Variants in EXOC6B observed in about 807,000 individuals in gnomAD.
The protein encoded by EXOC6B is SEC15 homolog B.
EXOC6B carries 54 observed loss-of-function variants against 113.5 expected under a neutral mutation model. The observed-to-expected ratio is 0.48, with a 90% CI of 0.38 to 0.60. EXOC6B has a LOEUF of 0.60. EXOC6B is among the 20% of genes least tolerant of loss of function. EXOC6B has a pLI of 0.00. For missense variants in EXOC6B, 797 were observed against 977.5 expected (o/e 0.82, Z 2.46); for synonymous variants, 357 against 339.0 (o/e 1.05, Z -0.58).
At chr2:72,746,310 CAA>C (rs1681691828) in intron 1 of EXOC6B, among the ~76,000 whole-genome samples, 1 of 151,884 alleles carries the variant, frequency 6.6e-6, no homozygotes, top group Non-Finnish European at 1.5e-5. Flanking sequence ...AAAAGGCAAA[CAA>C]GAAGAAATAT....
chr2:72,200,383 T>G lies in EXOC6B; in HGVS notation c.2197-16196A>C, dbSNP rs532456059. Among the ~76,000 whole-genome samples the G allele has an allele frequency of 2.0e-5, 3 of 152,352 alleles. No individual in the cohort carries two copies. The South Asian group carries it at 6.2e-4, about 32-fold the overall frequency. On this transcript the variant is annotated intron_variant, in intron 20 of 21. Coordinates refer to ENST00000272427, the MANE Select transcript of EXOC6B (RefSeq NM_015189.3). Reference sequence around the variant, plus strand: ...ATTTCTTTTTAAAATAATTTTTATTTATTTATTTTTGGTAGAGACAGGGTT... The same window carrying G: ...ATTTCTTTTTAAAATAATTTTTATTGATTTATTTTTGGTAGAGACAGGGTT...
At chr2:72,214,680 T>C (rs1332644577) in intron 20 of EXOC6B, among the ~76,000 whole-genome samples, 1 of 152,126 alleles carries the variant, frequency 6.6e-6, no homozygotes, top group Non-Finnish European at 1.5e-5. Context: ...ATCAGGTATG[T>C]GAGGAGATGG....
intron 6 of EXOC6B, among the ~76,000 whole-genome samples, chr2:72,623,329 T>G (rs1030775272): frequency 2.0e-5 from 3 of 152,158 alleles, no homozygotes; most frequent in African/African-American, 4.8e-5. Context: ...TAGAGATACA[T>G]TGGCAAAATC....
chr2:72,203,994 C>T (rs1034423045), intron 20 of EXOC6B, among the ~76,000 whole-genome samples: 8 of 152,150 alleles, frequency 5.3e-5, no homozygotes, highest in African/African-American at 1.7e-4. Flanking sequence ...CATAGCCCTA[C>T]AATGGGAAGG....
intron 18 of EXOC6B, 95 bp downstream of exon 18, chr2:72,465,065 T>C (rs1453565008): frequency 3.0e-6 from 3 of 1,012,568 alleles, no homozygotes; most frequent in African/African-American, 3.2e-5. Flanking sequence ...AAAATCTTCC[T>C]GGGTAGTTAC....
At chr2:72,808,811 G>A (rs1685720741) in intron 1 of EXOC6B, among the ~76,000 whole-genome samples, 1 of 152,040 alleles carries the variant, frequency 6.6e-6, no homozygotes, top group African/African-American at 2.4e-5. Flanking sequence ...AGTGGTTCAT[G>A]CCTGTAATTC....
intron 20 of EXOC6B, among the ~76,000 whole-genome samples, chr2:72,296,915 G>A (rs1309969356): frequency 2.0e-5 from 3 of 152,146 alleles, no homozygotes; most frequent in Non-Finnish European, 4.4e-5. Flanking sequence ...AAGGAAGGAG[G>A]ACAAGGAACA....
chr2:72,249,643 A>G (rs1200236694), intron 20 of EXOC6B, among the ~76,000 whole-genome samples: 2 of 152,214 alleles, frequency 1.3e-5, no homozygotes, highest in Non-Finnish European at 2.9e-5. Flanking sequence ...AATGTCTTCC[A>G]AGTGGGTACT....
At chr2:72,281,648 G>A (rs972891823) in intron 20 of EXOC6B, among the ~76,000 whole-genome samples, 1 of 152,160 alleles carries the variant, frequency 6.6e-6, no homozygotes, top group African/African-American at 2.4e-5. Context: ...TACAGTCCCA[G>A]TGGAAGATGG....
At chr2:72,562,462 GA>G in intron 7 of EXOC6B, among the ~76,000 whole-genome samples, 1 of 152,200 alleles carries the variant, frequency 6.6e-6, no homozygotes, top group Middle Eastern at 3.4e-3. Flanking sequence ...AAGTTGCAAA[GA>G]ATGATTCAAG....
chr2:72,385,262 A>C (rs1486626834), intron 18 of EXOC6B, among the ~76,000 whole-genome samples: 1 of 152,142 alleles, frequency 6.6e-6, no homozygotes, highest in Non-Finnish European at 1.5e-5. Context: ...CAATGGGGAA[A>C]AGATTCTTCA....
At chr2:72,626,254 G>A (rs1672042722) in intron 6 of EXOC6B, among the ~76,000 whole-genome samples, 1 of 152,094 alleles carries the variant, frequency 6.6e-6, no homozygotes, top group Non-Finnish European at 1.5e-5. Context: ...TCATCTAGCT[G>A]TATTTAATCA....
chr2:72,562,009 C>G, intron 7 of EXOC6B, among the ~76,000 whole-genome samples: 1 of 152,072 alleles, frequency 6.6e-6, no homozygotes, highest in Non-Finnish European at 1.5e-5. Context: ...ACCTCTACTC[C>G]CAAAATAGCC....
chr2:72,364,217 GA>G (rs898223549), intron 19 of EXOC6B, among the ~76,000 whole-genome samples: 3 of 149,554 alleles, frequency 2.0e-5, no homozygotes, highest in Non-Finnish European at 4.5e-5. Flanking sequence ...AGCATCTAAA[GA>G]AAAAAAAATG....
At chr2:72,578,742 TA>T (rs1364429013) in intron 6 of EXOC6B, among the ~76,000 whole-genome samples, 1 of 151,888 alleles carries the variant, frequency 6.6e-6, no homozygotes, top group East Asian at 1.9e-4. Context: ...ATAAATATGA[TA>T]AAAAATAAAT....
At chr2:72,602,621 T>G (rs1670500298) in intron 6 of EXOC6B, among the ~76,000 whole-genome samples, 1 of 152,188 alleles carries the variant, frequency 6.6e-6, no homozygotes, top group African/African-American at 2.4e-5. Context: ...TACTAACAAT[T>G]TGTGAGTTCA....
intron 8 of EXOC6B, among the ~76,000 whole-genome samples, chr2:72,546,455 G>A (rs951907854): frequency 3.3e-5 from 5 of 152,152 alleles, no homozygotes; most frequent in African/African-American, 9.7e-5. Flanking sequence ...AAAAAAGAGA[G>A]AGAGAGAGAG....
In EXOC6B at chr2:72,314,057, T is replaced by C. The variant is rs142776580; in HGVS notation, c.2196+20890A>G. On this transcript the variant is annotated intron_variant, in intron 20 of 21. Coordinates refer to ENST00000272427, the MANE Select transcript of EXOC6B (RefSeq NM_015189.3). ...CAGAAGATGCCTAATTAGCCCTAAA[T>C]AGCTTACTTTAGATTTCTCTGCCAC... Among the ~76,000 whole-genome samples the C allele has an allele frequency of 1.8e-4, 27 of 152,280 alleles. No homozygotes were observed. The East Asian group carries it at 4.6e-3, about 26-fold the overall frequency.
intron 20 of EXOC6B, among the ~76,000 whole-genome samples, chr2:72,210,513 A>G (rs1680122798): frequency 3.9e-5 from 6 of 152,196 alleles, no homozygotes; most frequent in Admixed American, 3.3e-4. Context: ...GATACTCAAT[A>G]AATGTAATGA....
Sources: allele counts gnomAD v4.1 joint callset (sites outside exome capture counted in the v4.1 genomes callset), GRCh38; gene constraint gnomAD v4.1.1; transcripts MANE v1.5; gene names NCBI Gene and HGNC (gene_info 2026-07-23, HGNC 2026-07-21).